CDK14: variants seen among roughly 807,000 people sequenced by gnomAD.
CDK14 encodes the protein cyclin-dependent kinase 14.
A neutral mutation model predicts 60.7 loss-of-function variants in CDK14; 34 were observed. That is an observed-to-expected ratio of 0.56 (90% confidence interval 0.43 to 0.75). The LOEUF is 0.75. Among genes scored for constraint, CDK14 ranks in the 30% least tolerant of loss-of-function variants. The pLI is 0.00. For missense variants in CDK14, 482 were observed against 564.1 expected, an observed-to-expected ratio of 0.85 and a Z score of 1.47; for synonymous variants, 197 against 203.7, an observed-to-expected ratio of 0.97 and a Z score of 0.28.
chr7:90,941,403 C>T (rs1246472008), intron 8 of CDK14, among the ~76,000 whole-genome samples: 2 of 152,120 alleles, frequency 1.3e-5, no homozygotes, highest in Non-Finnish European at 2.9e-5. Flanking sequence ...GGTCTCTTTC[C>T]AGGACATTGG....
At position 90,596,547 on chromosome 7, in the gene CDK14, C is replaced by G. The variant is rs1360566899; in HGVS notation, c.-81C>G. ...GTGGTGGAGGAGGAGGCGCCGCTTT[C>G]CCCGCGGCGCGCGCCCTCGCCGTTG... On this transcript the variant is annotated 5_prime_UTR_variant, in exon 1 of 15. Coordinates refer to ENST00000380050, the MANE Select transcript of CDK14 (RefSeq NM_001287135.2). 10 of 1,236,774 alleles carry G rather than the reference C, an allele frequency of 8.1e-6. No homozygotes were observed. The highest frequency in any genetic ancestry group is 1.2e-5 in the Non-Finnish European group (10 of 857,008). The allele number at this position is 1,236,774 out of a possible 1,614,324, so 76.6% of individuals were successfully genotyped here. A position where few individuals can be genotyped will look rare whatever the true frequency, so the allele number is the denominator to read the frequency against.
At chr7:90,618,402 C>T (rs1799696567) in intron 2 of CDK14, among the ~76,000 whole-genome samples, 1 of 151,928 alleles carries the variant, frequency 6.6e-6, no homozygotes, top group African/African-American at 2.4e-5. Flanking sequence ...CTTCCAATAT[C>T]ATTGCATTTT....
Position 91,053,600 on chromosome 7 carries a change from T to C in CDK14, c.1105+7640T>C, listed in dbSNP as rs571613507. On this transcript the variant is annotated intron_variant, in intron 11 of 14. Transcript: ENST00000380050. ...ATAAATCATCAGCTCCAAAATCTCC[T>C]CTGCAGATGTTTAGTCTCAGATGTG... Among the ~76,000 whole-genome samples, 77 of 152,344 alleles carry C rather than the reference T, an allele frequency of 5.1e-4. No individual in the cohort carries two copies. The Middle Eastern group carries it at 0.014, about 27-fold the overall frequency.
chr7:90,954,442 G>A (rs1794348076), intron 8 of CDK14, among the ~76,000 whole-genome samples: 1 of 151,726 alleles, frequency 6.6e-6, no homozygotes, highest in Admixed American at 6.6e-5. Context: ...TGTCACACAG[G>A]TTTTTTTCTT....
At chr7:90,849,219 T>C (rs1319368925) in intron 5 of CDK14, among the ~76,000 whole-genome samples, 4 of 152,002 alleles carry the variant, frequency 2.6e-5, no homozygotes, top group Non-Finnish European at 5.9e-5. Flanking sequence ...CCTCCCCAAA[T>C]CCTCTTGCTT....
chr7:90,627,624 G>C (rs984795263), intron 2 of CDK14, among the ~76,000 whole-genome samples: 5 of 152,210 alleles, frequency 3.3e-5, no homozygotes, highest in African/African-American at 1.2e-4. Context: ...CTGGCCTCAT[G>C]TCTTTGCTCA....
At chr7:90,872,116 CAT>C (rs988449003) in intron 6 of CDK14, among the ~76,000 whole-genome samples, 1 of 152,130 alleles carries the variant, frequency 6.6e-6, no homozygotes, top group Non-Finnish European at 1.5e-5. Flanking sequence ...AGATTGAAGT[CAT>C]GTGAAGAACT....
At chr7:91,176,146 T>G (rs2115840179) in intron 14 of CDK14, among the ~76,000 whole-genome samples, 1 of 151,658 alleles carries the variant, frequency 6.6e-6, no homozygotes, top group South Asian at 2.1e-4. Context: ...GAACTCAGGA[T>G]TAAGAATCTC....
At chr7:90,600,419 T>G (rs1160756305) in intron 1 of CDK14, among the ~76,000 whole-genome samples, 1 of 152,260 alleles carries the variant, frequency 6.6e-6, no homozygotes, top group African/African-American at 2.4e-5. Context: ...TTCATATTCA[T>G]TTGAATGCAT....
At chr7:91,056,669 T>C (rs1028498465) in intron 11 of CDK14, among the ~76,000 whole-genome samples, 1 of 152,192 alleles carries the variant, frequency 6.6e-6, no homozygotes, top group African/African-American at 2.4e-5. Flanking sequence ...TTTGGTTTTT[T>C]GTCTTTGCGA....
Position 90,957,463 on chromosome 7 carries a change from A to C in CDK14, c.947+1646A>C, listed in dbSNP as rs541450222. 1.4e-4 allele frequency among the ~76,000 whole-genome samples: 21 copies of C among 152,220 alleles called. No individual in the cohort carries two copies. In the East Asian group the frequency reaches 3.9e-3, roughly 28 times the overall value. ...TATATCTAGAAAACCCCATTGTCTC[A>C]GCCCAAAATCTCCTTAAGCTGATAA... On this transcript the variant is annotated intron_variant, in intron 9 of 14. Transcript: ENST00000380050.
chr7:91,003,848 G>A (rs1020929473), intron 10 of CDK14, among the ~76,000 whole-genome samples: 2 of 152,054 alleles, frequency 1.3e-5, no homozygotes, highest in African/African-American at 4.8e-5. Context: ...TGATTATGGG[G>A]GCAGGCAGTA....
At chr7:91,042,511 C>G (rs1476285609) in intron 10 of CDK14, among the ~76,000 whole-genome samples, 1 of 152,190 alleles carries the variant, frequency 6.6e-6, no homozygotes, top group Admixed American at 6.5e-5. Context: ...GTCCTTACAT[C>G]TTCTGTGAGG....
chr7:90,813,011 C>G (rs1352479815), intron 5 of CDK14, among the ~76,000 whole-genome samples: 1 of 152,084 alleles, frequency 6.6e-6, no homozygotes, highest in Non-Finnish European at 1.5e-5. Flanking sequence ...AATCTGGAAA[C>G]AAGTTAAATG....
chr7:90,699,580 C>T (rs527517719), intron 2 of CDK14, among the ~76,000 whole-genome samples: 1 of 152,082 alleles, frequency 6.6e-6, no homozygotes, highest in African/African-American at 2.4e-5. Flanking sequence ...AGTTAGTGCC[C>T]CAGTGCACCT....
intron 10 of CDK14, among the ~76,000 whole-genome samples, chr7:91,015,052 A>C (rs1796260892): frequency 6.6e-6 from 1 of 152,180 alleles, no homozygotes; most frequent in South Asian, 2.1e-4. Flanking sequence ...TTTATGTAAT[A>C]GATAATATTC....
chr7:91,205,421 GA>G (rs1802862518), intron 14 of CDK14, among the ~76,000 whole-genome samples: 4 of 152,154 alleles, frequency 2.6e-5, no homozygotes, highest in Admixed American at 6.5e-5. Flanking sequence ...CATGCTAAGT[GA>G]AAAAAGCTAG....
rs576489235 is a variant in CDK14, at chr7:91,203,028, T to C, written c.*29-4137T>C. Among the ~76,000 whole-genome samples the C allele has an allele frequency of 2.6e-5, 4 of 152,308 alleles. No individual in the cohort carries two copies. In the South Asian group the frequency reaches 8.3e-4, roughly 32 times the overall value. ...CATCTTAACCCAACAGGATAGTGAA[T>C]ATGCCATTGACTGTGGTGACAACAT... On this transcript the variant is annotated intron_variant, in intron 14 of 14. Transcript: ENST00000380050.
chr7:90,754,088 C>G (rs562080486), intron 4 of CDK14, among the ~76,000 whole-genome samples: 1 of 152,308 alleles, frequency 6.6e-6, no homozygotes, highest in South Asian at 2.1e-4. Flanking sequence ...CTATTCCTAT[C>G]AAACTGCCAA....
Sources: allele counts gnomAD v4.1 joint callset (sites outside exome capture counted in the v4.1 genomes callset), GRCh38; gene constraint gnomAD v4.1.1; transcripts MANE v1.5; gene names NCBI Gene and HGNC (gene_info 2026-07-23, HGNC 2026-07-21).